The following ABCC5 variants were observed in gnomAD, a reference collection of about 807,000 sequenced individuals.
The protein encoded by ABCC5 is ATP-binding cassette sub-family C member 5.
ABCC5 carries 61 observed loss-of-function variants against 160.9 expected under a neutral mutation model. The ratio of observed to expected loss-of-function variants is 0.38; its 90% CI spans 0.31 to 0.47. The LOEUF (loss-of-function observed/expected upper bound fraction) is 0.47. Among genes scored for constraint, ABCC5 ranks in the 20% least tolerant of loss-of-function variants. The pLI is 0.99. For missense variants in ABCC5, 1,308 were observed against 1,813.3 expected (o/e 0.72, Z 5.06); for synonymous variants, 666 against 700.6 (o/e 0.95, Z 0.78).
At chr3:183,980,755 C>T (rs1297261084) in intron 8 of ABCC5, among the ~76,000 whole-genome samples, 3 of 151,452 alleles carry the variant, frequency 2.0e-5, no homozygotes, top group Non-Finnish European at 2.9e-5. Context: ...CTGCGACACC[C>T]AGGCTGGAGT....
chr3:183,972,178 T>G, intron 10 of ABCC5: 1 of 655,040 alleles, frequency 1.5e-6, no homozygotes, highest in Non-Finnish European at 2.7e-6. Flanking sequence ...TAAACTGCCT[T>G]TCCCCCTCAG....
rs532575213 is a variant in ABCC5, at chr3:183,921,667, C to T, written c.4213-266G>A. ...TCATAGCAAAAAAAAAAAAAGAAAA[C>T]GACTTCCAGACCTCCTTCACATAAA... is the stretch of plus-strand genomic sequence containing the variant. On this transcript the variant is annotated intron_variant, in intron 29 of 29. Transcript: ENST00000334444. This position sits in a 1 kb window ranked among gnomAD's most constrained non-coding sequence, Gnocchi z 4.1. 3.1e-4 allele frequency among the ~76,000 whole-genome samples: 46 copies of T among 150,188 alleles called. No individual in the cohort carries two copies. Among genetic ancestry groups the T allele is most frequent in the African/African-American group, 1.1e-3 (45 of 40,930 alleles).
chr3:184,010,313 TAAA>T (rs1721620609), intron 2 of ABCC5: 1 of 107,382 alleles, frequency 9.3e-6, no homozygotes, highest in Non-Finnish European at 2.1e-5. Context: ...GAAAGAATAA[TAAA>T]AATAAAATTC....
At chr3:183,971,470 C>T (rs1053339628) in intron 11 of ABCC5, 93 bp downstream of exon 11, 3 of 1,205,290 alleles carry the variant, frequency 2.5e-6, no homozygotes, top group Non-Finnish European at 3.5e-6. Flanking sequence ...AGCCACAAAG[C>T]ACTTTGTGAA....
chr3:183,971,482 AG>A, intron 11 of ABCC5, 80 bp downstream of exon 11: 1 of 1,344,112 alleles, frequency 7.4e-7, no homozygotes, highest in Non-Finnish European at 1.0e-6. Context: ...CTTTGTGAAA[AG>A]GAACAGCAGC....
At position 183,932,665 on chromosome 3, in the gene ABCC5, T is replaced by C. The variant is rs539899371; in HGVS notation, c.3855-3840A>G. 6.6e-5 allele frequency among the ~76,000 whole-genome samples: 10 copies of C among 152,254 alleles called. No homozygotes were observed. In the South Asian group the frequency reaches 1.9e-3, roughly 28 times the overall value. On this transcript the variant is annotated intron_variant, in intron 26 of 29. Transcript: ENST00000334444. The stretch of plus-strand genomic sequence containing the variant: ...CTCTGGATTTCAGTTTCATCATCTA[T>C]ATAAAACAGGAATAATGGCCAAGGG...
intron 28 of ABCC5, 133 bp downstream of exon 28, chr3:183,927,197 T>C: frequency 2.3e-6 from 2 of 863,116 alleles, no homozygotes; most frequent in Non-Finnish European, 3.5e-6. Context: ...GGGTTAGAGT[T>C]ATCTCTGGTC....
Position 183,945,825 on chromosome 3 carries a change from G to A in ABCC5, c.3504+25C>T, listed in dbSNP as rs373612396. On this transcript the variant is annotated intron_variant, in intron 24 of 29. Coordinates refer to ENST00000334444, the MANE Select transcript of ABCC5 (RefSeq NM_005688.4). ...CCGACTCCAAGAGGAGTCAGATCACGGTAAAAGGCCTACAGCAGTCTGACC... is the reference window on the plus strand; with the variant it reads ...CCGACTCCAAGAGGAGTCAGATCACAGTAAAAGGCCTACAGCAGTCTGACC... 21 of 1,600,422 alleles carry A rather than the reference G, an allele frequency of 1.3e-5. 1 individual carries two copies. The African/African-American group carries it at 1.3e-4, about 10-fold the overall frequency.
At chr3:184,004,815 A>G (rs548690502) in intron 2 of ABCC5, among the ~76,000 whole-genome samples, 1 of 152,244 alleles carries the variant, frequency 6.6e-6, no homozygotes, top group African/African-American at 2.4e-5. Flanking sequence ...CAGGATTCTT[A>G]AAAAAGCCAA....
At chr3:183,992,792 A>AAAAAAAT (rs1176693987) in intron 2 of ABCC5, among the ~76,000 whole-genome samples, 2 of 152,282 alleles carry the variant, frequency 1.3e-5, no homozygotes, top group Non-Finnish European at 2.9e-5. Context: ...CCGTCTCAAA[A>AAAAAAAT]AAAAAATAAA....
At chr3:183,932,161 T>C (rs909922143) in intron 26 of ABCC5, among the ~76,000 whole-genome samples, 1 of 152,226 alleles carries the variant, frequency 6.6e-6, no homozygotes, top group Admixed American at 6.5e-5. Context: ...GGGTGCTTCA[T>C]AGTAGCCTTG....
intron 29 of ABCC5, among the ~76,000 whole-genome samples, chr3:183,922,241 G>A (rs1217159803): frequency 2.6e-5 from 4 of 151,930 alleles, no homozygotes; most frequent in Non-Finnish European, 5.9e-5. Flanking sequence ...GTGTGGTGGT[G>A]CATGCCTGTA....
At chr3:183,995,267 C>T (rs2108884562) in intron 2 of ABCC5, among the ~76,000 whole-genome samples, 1 of 152,192 alleles carries the variant, frequency 6.6e-6, no homozygotes, top group Admixed American at 6.5e-5. Flanking sequence ...TAGGGCCATT[C>T]ATGCAGCAAA....
chr3:183,941,520 GT>G lies in ABCC5; in HGVS notation c.3694+1206del, dbSNP rs978651638. 6.6e-3 allele frequency among the ~76,000 whole-genome samples: 948 copies of G among 143,188 alleles called. 4 individuals carry two copies. The highest frequency in any genetic ancestry group is 0.013 in the African/African-American group (519 of 39,216). The allele number at this position is 143,188 out of a possible 152,430, so 93.9% of individuals were successfully genotyped here. A position where few individuals can be genotyped will look rare whatever the true frequency, so the allele number is the denominator to read the frequency against. ...ATCAATTGGCCAGAAAAGACAAAAGGTTTTTTTTTTTTTAATGGCAAGGAAA... is the reference window on the plus strand; with the variant it reads ...ATCAATTGGCCAGAAAAGACAAAAGGTTTTTTTTTTTTAATGGCAAGGAAA... On this transcript the variant is annotated intron_variant, in intron 25 of 29. Coordinates refer to ENST00000334444, the MANE Select transcript of ABCC5 (RefSeq NM_005688.4).
rs7610724 is a variant in ABCC5 at position 184,017,035 on chromosome 3, T to G, written c.-56+795A>C. Among the ~76,000 whole-genome samples, 4,114 of 152,220 alleles carry G rather than the reference T, an allele frequency of 0.027. 166 individuals are homozygous for G. Among genetic ancestry groups the G allele is most frequent in the African/African-American group, 0.087 (3,625 of 41,512 alleles). On this transcript the variant is annotated intron_variant, in intron 1 of 29. Transcript: ENST00000334444. The surrounding 1 kb of genome is among the most constrained non-coding windows in gnomAD (Gnocchi z 4.5). Reference sequence around the variant, plus strand: ...CCCACTGTAATCCACTTGTTGCGTCTCCAAGCAGCCTCACCTTTCATACAC... The same window carrying G: ...CCCACTGTAATCCACTTGTTGCGTCGCCAAGCAGCCTCACCTTTCATACAC...
intron 2 of ABCC5, among the ~76,000 whole-genome samples, chr3:184,000,169 G>T: frequency 6.6e-6 from 1 of 151,710 alleles, no homozygotes; most frequent in Non-Finnish European, 1.5e-5. Context: ...GACCAGCCTG[G>T]GCAACATGAT....
In ABCC5 at chr3:183,987,639, C is replaced by T. The variant is rs759043086; in HGVS notation, c.591+131G>A. ...GCCAAAATCCATCGACCCCTTTCAA[C>T]AGACCTGAAGGCATCTCTAAGACTG... On this transcript the variant is annotated intron_variant, in intron 5 of 29. Coordinates refer to ENST00000334444, the MANE Select transcript of ABCC5 (RefSeq NM_005688.4). This position sits in a 1 kb window ranked among gnomAD's most constrained non-coding sequence, Gnocchi z 4.2. 10 of 1,273,888 alleles carry T rather than the reference C, an allele frequency of 7.8e-6. No individual in the cohort carries two copies. Among genetic ancestry groups the T allele is most frequent in the Non-Finnish European group, 1.1e-5 (10 of 899,722 alleles). The allele number at this position is 1,273,888 out of a possible 1,614,324, so 78.9% of individuals were successfully genotyped here. A position where few individuals can be genotyped will look rare whatever the true frequency, so the allele number is the denominator to read the frequency against.
rs761119206 is a variant in ABCC5, at chr3:183,989,383, A to C, written c.130T>G (p.Leu44Val). The C allele has an allele frequency of 9.9e-6, 16 of 1,613,554 alleles. No homozygotes were observed. The highest frequency in any genetic ancestry group is 2.7e-5 in the African/African-American group (2 of 74,828). The change falls in exon 3 of 30, where the codon TTG (leucine) becomes GTG (valine). Residue 44 changes from leucine (L) to valine (V), a missense_variant and splice_region_variant. Physicochemically the swap from Leu to Val is conservative, Grantham distance 32. Around this residue, in one of 3 missense-constraint regions of ABCC5, gnomAD observed 1,142 missense variants for 1,527.1 expected, o/e 0.75. Coordinates refer to ENST00000334444, the MANE Select transcript of ABCC5 (RefSeq NM_005688.4). ...GTTTCCAAGGCATCTTGGCATTCCA[A>C]CTGTTCCAGCAGATAGGGAGAAAGG... ...EDSKFRRTRP[L>V]ECQDALETAA...
rs1411165696 is a variant in ABCC5, at chr3:183,920,521, A to T, written c.*779T>A. On this transcript the variant is annotated 3_prime_UTR_variant, in exon 30 of 30. Coordinates refer to ENST00000334444, the MANE Select transcript of ABCC5 (RefSeq NM_005688.4). The surrounding 1 kb of genome is among the most constrained non-coding windows in gnomAD (Gnocchi z 4.1). ...AGCAAAAAGAAGAAGGCAGGAAAGAAACTCCCCGGCTCGGAGGAATGTCTC... is the reference window on the plus strand; with the variant it reads ...AGCAAAAAGAAGAAGGCAGGAAAGATACTCCCCGGCTCGGAGGAATGTCTC... 1 of 152,690 alleles carries T rather than the reference A, an allele frequency of 6.5e-6. No individual in the cohort carries two copies. The highest frequency in any genetic ancestry group is 1.5e-5 in the Non-Finnish European group (1 of 68,056). 9.5% of individuals were successfully genotyped at this position (152,690 alleles called of 1,614,324 possible). A position where few individuals can be genotyped will look rare whatever the true frequency, so the allele number is the denominator to read the frequency against.
Sources: gnomAD v4.1 joint callset for allele counts (sites outside exome capture counted in the v4.1 genomes callset) on GRCh38, gnomAD v4.1.1 for gene constraint, gnomAD v4.1.1 regional missense constraint, Gnocchi (gnomAD v3.1) non-coding constraint, MANE v1.5 for transcripts, NCBI Gene and HGNC (gene_info 2026-07-23, HGNC 2026-07-21) for gene names.